Variants in ZDHHC17 observed in about 807,000 individuals in gnomAD.
ZDHHC17 encodes the protein zDHHC palmitoyltransferase 17.
ZDHHC17 carries 40 observed loss-of-function variants against 90.3 expected under a neutral mutation model. The ratio of observed to expected loss-of-function variants is 0.44; its 90% CI spans 0.34 to 0.58. The LOEUF (loss-of-function observed/expected upper bound fraction) is 0.58. ZDHHC17 is among the 20% of genes least tolerant of loss of function. ZDHHC17 has a pLI of 0.01. For missense variants in ZDHHC17, 614 were observed against 780.8 expected, an observed-to-expected ratio of 0.79 and a Z score of 2.55; for synonymous variants, 235 against 252.4, an observed-to-expected ratio of 0.93 and a Z score of 0.65.
At chr12:76,775,594 A>AT (rs1435365451) in intron 1 of ZDHHC17, among the ~76,000 whole-genome samples, 22 of 152,246 alleles carry the variant, frequency 1.4e-4, no homozygotes, top group African/African-American at 4.8e-4. Context: ...ATTTGAAGTG[A>AT]TAAAAAAGCA....
intron 10 of ZDHHC17, among the ~76,000 whole-genome samples, chr12:76,832,825 G>T (rs1207906201): frequency 6.6e-6 from 1 of 152,190 alleles, no homozygotes; most frequent in African/African-American, 2.4e-5. Flanking sequence ...CTTGTTTATA[G>T]TTTGAGAACT....
At chr12:76,799,347 T>C (rs1952860462) in intron 2 of ZDHHC17, among the ~76,000 whole-genome samples, 1 of 152,240 alleles carries the variant, frequency 6.6e-6, no homozygotes, top group Non-Finnish European at 1.5e-5. Flanking sequence ...ATGAAATAAC[T>C]CTTTCTTAAT....
chr12:76,764,342 G>A lies in ZDHHC17; in HGVS notation c.93+13G>A. The A allele has an allele frequency of 6.3e-7, 1 of 1,577,532 alleles. No individual in the cohort carries two copies. Among genetic ancestry groups the A allele is most frequent in the Non-Finnish European group, 8.6e-7 (1 of 1,159,538 alleles). Reference sequence around the variant, plus strand: ...TCTCCACCCAGAGGTGAGGAACCGTGCTGAGTGGATTCCTTGCCCTGCGGC... The same window carrying A: ...TCTCCACCCAGAGGTGAGGAACCGTACTGAGTGGATTCCTTGCCCTGCGGC... On this transcript the variant is annotated intron_variant, in intron 1 of 16. Coordinates refer to ENST00000426126, the MANE Select transcript of ZDHHC17 (RefSeq NM_015336.4).
At chr12:76,795,319 G>GT (rs1952806172) in intron 1 of ZDHHC17, among the ~76,000 whole-genome samples, 1 of 151,884 alleles carries the variant, frequency 6.6e-6, no homozygotes, top group African/African-American at 2.4e-5. Context: ...TGATTACTGC[G>GT]TTTTTTGACA....
In ZDHHC17 at chr12:76,779,962, A is replaced by G. The variant is rs190633482; in HGVS notation, c.93+15633A>G. Among the ~76,000 whole-genome samples the G allele has an allele frequency of 2.4e-3, 365 of 151,926 alleles. 1 individual carries two copies. The highest frequency in any genetic ancestry group is 8.4e-3 in the African/African-American group (348 of 41,444). ...TTACATTGTTGTAAAAAATCAGTTGAGCATATTTGTTGTTTTTATATCTGG... is the reference window on the plus strand; with the variant it reads ...TTACATTGTTGTAAAAAATCAGTTGGGCATATTTGTTGTTTTTATATCTGG... On this transcript the variant is annotated intron_variant, in intron 1 of 16. Coordinates refer to ENST00000426126, the MANE Select transcript of ZDHHC17 (RefSeq NM_015336.4).
chr12:76,826,234 A>G (rs901423652), intron 8 of ZDHHC17, among the ~76,000 whole-genome samples: 10 of 152,168 alleles, frequency 6.6e-5, no homozygotes, highest in Non-Finnish European at 1.0e-4. Flanking sequence ...TTTGGTTGCT[A>G]TAAAGATAAA....
At chr12:76,783,077 G>A (rs917175608) in intron 1 of ZDHHC17, among the ~76,000 whole-genome samples, 1 of 152,172 alleles carries the variant, frequency 6.6e-6, no homozygotes, top group African/African-American at 2.4e-5. Context: ...AGAGGAGGCT[G>A]ACTAAAGTTT....
intron 8 of ZDHHC17, among the ~76,000 whole-genome samples, chr12:76,825,471 C>T (rs1207397285): frequency 6.6e-6 from 1 of 152,132 alleles, no homozygotes; most frequent in East Asian, 1.9e-4. Flanking sequence ...TACCCATACA[C>T]TCTCTGTCTC....
At chr12:76,830,435 C>T (rs1356456833) in intron 10 of ZDHHC17, among the ~76,000 whole-genome samples, 1 of 150,312 alleles carries the variant, frequency 6.7e-6, no homozygotes, top group African/African-American at 2.4e-5. Context: ...AGTATAGTAC[C>T]TTTAAATATT....
chr12:76,782,684 G>GGGAAGTCTTGTCAGAGAAAGCC (rs1952640655), intron 1 of ZDHHC17, among the ~76,000 whole-genome samples: 2 of 152,108 alleles, frequency 1.3e-5, no homozygotes, highest in South Asian at 2.1e-4. Context: ...ATATTACAGA[G>GGGAAGTCTTGTCAGAGAAAGCC]GGAAGTCTTG....
Position 76,852,462 on chromosome 12 carries a change from G to A in ZDHHC17, c.*1477G>A, listed in dbSNP as rs1321577290. The A allele has an allele frequency of 6.6e-6, 1 of 152,634 alleles. No homozygotes were observed. Among genetic ancestry groups the A allele is most frequent in the Non-Finnish European group, 1.5e-5 (1 of 68,036 alleles). The allele number at this position is 152,634 out of a possible 1,614,324, so 9.5% of individuals were successfully genotyped here. A position where few individuals can be genotyped will look rare whatever the true frequency, so the allele number is the denominator to read the frequency against. ...CATTTTGTCCAACCAAAAAGAAAAGGGAGATAACTAATGAGCTTCTAGTGA... is the reference window on the plus strand; with the variant it reads ...CATTTTGTCCAACCAAAAAGAAAAGAGAGATAACTAATGAGCTTCTAGTGA... On this transcript the variant is annotated 3_prime_UTR_variant, in exon 17 of 17. Transcript: ENST00000426126.
chr12:76,823,873 T>C (rs1953195703), intron 8 of ZDHHC17, among the ~76,000 whole-genome samples: 1 of 152,156 alleles, frequency 6.6e-6, no homozygotes, highest in South Asian at 2.1e-4. Flanking sequence ...ATGTTAACTC[T>C]TCTGTTTAAT....
chr12:76,783,459 A>G (rs957446602), intron 1 of ZDHHC17, among the ~76,000 whole-genome samples: 5 of 152,190 alleles, frequency 3.3e-5, no homozygotes, highest in Non-Finnish European at 7.3e-5. Flanking sequence ...ATAACTGTCT[A>G]TTTATGAACT....
intron 14 of ZDHHC17, among the ~76,000 whole-genome samples, chr12:76,847,871 A>ATG (rs954346984): frequency 1.8e-4 from 27 of 152,204 alleles, no homozygotes; most frequent in African/African-American, 6.3e-4. Flanking sequence ...AAAAAAGCTC[A>ATG]TGTCACCATC....
Position 76,816,146 on chromosome 12 carries a change from C to T in ZDHHC17, c.771+127C>T. The stretch of plus-strand genomic sequence containing the variant: ...TCTTCAATACAGGTTTACAGTTAAA[C>T]CACATTATGCATAATACATTTTAAT... On this transcript the variant is annotated intron_variant, in intron 7 of 16. Transcript: ENST00000426126. 4.8e-6 allele frequency: 3 copies of T among 619,482 alleles called. No individual in the cohort carries two copies. The Admixed American group carries it at 1.2e-4, about 26-fold the overall frequency. 38.4% of individuals were successfully genotyped at this position (619,482 alleles called of 1,614,324 possible).
intron 2 of ZDHHC17, among the ~76,000 whole-genome samples, chr12:76,799,363 G>A (rs1952860713): frequency 1.3e-5 from 2 of 152,106 alleles, no homozygotes; most frequent in African/African-American, 2.4e-5. Flanking sequence ...TTAATATAAA[G>A]ACTTGGTGTG....
chr12:76,821,129 T>TC (rs1953158793), intron 7 of ZDHHC17: 1 of 1,284,678 alleles, frequency 7.8e-7, no homozygotes, highest in Non-Finnish European at 1.0e-6. Flanking sequence ...TGCAGGATAT[T>TC]CCCGGGGAGT....
intron 10 of ZDHHC17, 97 bp downstream of exon 10, chr12:76,828,587 A>C: frequency 2.1e-6 from 2 of 968,620 alleles, no homozygotes; most frequent in Non-Finnish European, 3.1e-6. Context: ...CTACTCATTC[A>C]TAATACATTA....
intron 1 of ZDHHC17, among the ~76,000 whole-genome samples, chr12:76,771,296 A>ATAC (rs1952489733): frequency 6.6e-6 from 1 of 152,220 alleles, no homozygotes; most frequent in Admixed American, 6.5e-5. Flanking sequence ...TGTGAATGAG[A>ATAC]TACTGTGAAC....
Sources: gnomAD v4.1 joint callset for allele counts (sites outside exome capture counted in the v4.1 genomes callset) on GRCh38, gnomAD v4.1.1 for gene constraint, MANE v1.5 for transcripts, NCBI Gene and HGNC (gene_info 2026-07-23, HGNC 2026-07-21) for gene names.